The following CELF2 variants were observed in gnomAD, a reference collection of about 807,000 sequenced individuals.
The protein encoded by CELF2 is CUG triplet repeat RNA-binding protein 2.
A neutral mutation model predicts 62.6 loss-of-function variants in CELF2; 8 were observed. The ratio of observed to expected loss-of-function variants is 0.13; its 90% confidence interval spans 0.07 to 0.23. The LOEUF (loss-of-function observed/expected upper bound fraction) is 0.23. CELF2 is among the 10% of genes least tolerant of loss of function. The probability of loss-of-function intolerance (pLI) is 1.00; values close to 1 mark genes in which losing one functional copy is unlikely to be tolerated. For missense variants in CELF2, 333 were observed against 671.0 expected (o/e 0.50, Z 5.56); for synonymous variants, 258 against 250.0 (o/e 1.03, Z -0.30).
the CELF2 span, among the ~76,000 whole-genome samples, chr10:10,657,739 A>G: frequency 6.6e-6 from 1 of 152,208 alleles, no homozygotes; most frequent in Admixed American, 6.5e-5. Flanking sequence ...TTCCAGGAGC[A>G]TCCCACAAGG....
chr10:10,934,013 C>G lies in CELF2; in HGVS notation c.89+14014C>G, dbSNP rs1407131532. Among the ~76,000 whole-genome samples, 1 of 152,130 alleles carries G rather than the reference C, an allele frequency of 6.6e-6. No homozygotes were observed. The highest frequency in any genetic ancestry group is 1.9e-4 in the East Asian group (1 of 5,192). ...TTCTATTTTTAGATTTTTAAGAAAC[C>G]TCCATACTGATTTCCGTAATGGCTA... On this transcript the variant is annotated intron_variant, in intron 2 of 13. Coordinates refer to the CELF2 transcript ENST00000636488. The surrounding 1 kb of genome is among the most constrained non-coding windows in gnomAD (Gnocchi z 4.4).
the CELF2 span, among the ~76,000 whole-genome samples, chr10:10,703,913 A>C: frequency 6.6e-6 from 1 of 152,246 alleles, no homozygotes; most frequent in Non-Finnish European, 1.5e-5. Flanking sequence ...ATGCTAACTT[A>C]TACACGATCT....
intron 1 of CELF2, among the ~76,000 whole-genome samples, chr10:10,852,432 G>A (rs771879297): frequency 5.9e-4 from 90 of 152,218 alleles, no homozygotes; most frequent in Non-Finnish European, 1.1e-3. Context: ...AGTAGGTGCT[G>A]GAGTTGGGGC....
intron 2 of CELF2, among the ~76,000 whole-genome samples, chr10:11,180,659 G>C (rs959700666): frequency 3.7e-4 from 56 of 152,274 alleles, no homozygotes; most frequent in African/African-American, 1.3e-3. Flanking sequence ...TTGACAATAA[G>C]AATAATAACT....
the CELF2 span, among the ~76,000 whole-genome samples, chr10:10,739,984 CTG>C: frequency 6.6e-6 from 1 of 151,990 alleles, no homozygotes; most frequent in South Asian, 2.1e-4. Context: ...TGCTATTTAG[CTG>C]TGTGAGTTCC....
rs144298535 is a variant in CELF2, at chr10:11,187,749, C to G, written c.271+22067C>G. Among the ~76,000 whole-genome samples, 629 of 152,086 alleles carry G rather than the reference C, an allele frequency of 4.1e-3. 5 individuals are homozygous for G. The highest frequency in any genetic ancestry group is 0.015 in the African/African-American group (606 of 41,446). On this transcript the variant is annotated intron_variant, in intron 2 of 12. Transcript: ENST00000633077. ...GCAACTTCATGTATAGCATGAGAATCTACTTCCATTTCTCCCTTCGCAGAC... is the reference window on the plus strand; with the variant it reads ...GCAACTTCATGTATAGCATGAGAATGTACTTCCATTTCTCCCTTCGCAGAC...
the CELF2 span, among the ~76,000 whole-genome samples, chr10:10,512,323 A>T: frequency 2.0e-5 from 3 of 152,060 alleles, no homozygotes; most frequent in African/African-American, 7.2e-5. Flanking sequence ...AATAGAAAAG[A>T]ATGAATTCTC....
At chr10:10,946,396 A>G (rs2047687897) in intron 2 of CELF2, 1 of 152,546 alleles carries the variant, frequency 6.6e-6, no homozygotes, top group Non-Finnish European at 1.5e-5. Flanking sequence ...GCTTTCATTT[A>G]TTCAGGTTTT....
chr10:10,549,306 CAG>C, the CELF2 span, among the ~76,000 whole-genome samples: 1 of 152,162 alleles, frequency 6.6e-6, no homozygotes, highest in Non-Finnish European at 1.5e-5. Flanking sequence ...CTTTTTGAGA[CAG>C]AGTCTTGCTC....
chr10:10,817,911 T>C (rs1564663514), intron 1 of CELF2, among the ~76,000 whole-genome samples: 1 of 152,204 alleles, frequency 6.6e-6, no homozygotes, highest in East Asian at 1.9e-4. Flanking sequence ...TTGTGCAAAA[T>C]AGACCTGAAT....
At chr10:10,720,131 G>A in the CELF2 span, among the ~76,000 whole-genome samples, 46 of 152,204 alleles carry the variant, frequency 3.0e-4, no homozygotes, top group African/African-American at 9.4e-4. Flanking sequence ...CGTCAGAAGC[G>A]CTGGGGCTCT....
At chr10:11,248,057 G>T (rs1245643268) in intron 3 of CELF2, among the ~76,000 whole-genome samples, 1 of 152,206 alleles carries the variant, frequency 6.6e-6, no homozygotes, top group Non-Finnish European at 1.5e-5. Context: ...GCTGTGGCTT[G>T]CAAGTGATGG....
chr10:11,096,244 A>C (rs1377867842), intron 1 of CELF2: 1 of 152,266 alleles, frequency 6.6e-6, no homozygotes, highest in Non-Finnish European at 1.5e-5. Flanking sequence ...TGGATTCTGC[A>C]TTTAAAATAT....
chr10:10,587,392 A>G, the CELF2 span, among the ~76,000 whole-genome samples: 1 of 152,040 alleles, frequency 6.6e-6, no homozygotes. Context: ...CACTCTTAGC[A>G]CATCTCGGTA....
the CELF2 span, among the ~76,000 whole-genome samples, chr10:10,754,025 A>G: frequency 2.7e-5 from 4 of 148,260 alleles, no homozygotes; most frequent in African/African-American, 1.0e-4. Context: ...GTAAACATAA[A>G]TAAAGGTTGT....
chr10:10,869,773 C>T (rs141296480), intron 1 of CELF2, among the ~76,000 whole-genome samples: 2 of 152,258 alleles, frequency 1.3e-5, no homozygotes, highest in African/African-American at 2.4e-5. Context: ...TCTCTCTTCA[C>T]GCCTTATCAA....
chr10:10,583,227 AATTT>A, the CELF2 span, among the ~76,000 whole-genome samples: 1 of 152,118 alleles, frequency 6.6e-6, no homozygotes, highest in Non-Finnish European at 1.5e-5. Flanking sequence ...CAACACCTGG[AATTT>A]ATTTATCTGC....
chr10:11,113,388 G>A (rs1008545278), intron 1 of CELF2, among the ~76,000 whole-genome samples: 8 of 152,120 alleles, frequency 5.3e-5, no homozygotes, highest in African/African-American at 1.7e-4. Flanking sequence ...TGGGGGCACC[G>A]AATGTTATAG....
chr10:10,705,494 G>A, the CELF2 span, among the ~76,000 whole-genome samples: 1 of 152,152 alleles, frequency 6.6e-6, no homozygotes, highest in Non-Finnish European at 1.5e-5. Context: ...TACAGGGAGA[G>A]AGAGGGAGTG....
Sources: allele counts gnomAD v4.1 joint callset (sites outside exome capture counted in the v4.1 genomes callset), GRCh38; gene constraint gnomAD v4.1.1; non-coding constraint Gnocchi (gnomAD v3.1); transcripts MANE v1.5; gene names NCBI Gene and HGNC (gene_info 2026-07-23, HGNC 2026-07-21).